The following NEXMIF variants were observed in gnomAD, a reference collection of about 807,000 sequenced individuals.
The protein encoded by NEXMIF is XLMR protein related to neurite extension.
Under a neutral mutation model 62.1 loss-of-function variants are expected in NEXMIF, and 8 were observed. The ratio of observed to expected loss-of-function variants is 0.13; its 90% CI spans 0.08 to 0.23. NEXMIF has a LOEUF of 0.23. Ranked by LOEUF, NEXMIF falls within the 10% of genes least tolerant of loss-of-function variation. The pLI, the probability that NEXMIF is intolerant of heterozygous loss-of-function variation, is 1.00. For missense variants in NEXMIF, 976 were observed against 1,113.3 expected (o/e 0.88, Z 1.75); for synonymous variants, 404 against 416.6 (o/e 0.97, Z 0.37).
intron 1 of NEXMIF, among the ~76,000 whole-genome samples, chrX:74,764,798 T>C (rs2080189704): frequency 9.0e-6 from 1 of 111,673 alleles, no homozygotes; most frequent in African/African-American, 3.3e-5. Context: ...GTGTTTGATA[T>C]GATTTTGGTT....
In NEXMIF at chrX:74,735,785, G is replaced by A. The variant is rs2080083611; in HGVS notation, c.*3620C>T. ...AACAAGAAGTCAGAAGGGAAAGCTGGGAGGAAGCAGCATATGTGAAGAAGC... is the reference window on the plus strand; with the variant it reads ...AACAAGAAGTCAGAAGGGAAAGCTGAGAGGAAGCAGCATATGTGAAGAAGC... On this transcript the variant is annotated 3_prime_UTR_variant, in exon 4 of 4. Coordinates refer to ENST00000055682, the MANE Select transcript of NEXMIF (RefSeq NM_001008537.3). 1 of 111,909 alleles carries A rather than the reference G, an allele frequency of 8.9e-6. No individual in the cohort carries two copies. The highest frequency in any genetic ancestry group is 9.6e-5 in the Admixed American group (1 of 10,421). 9.2% of individuals were successfully genotyped at this position (111,909 alleles called of 1,213,427 possible).
chrX:74,836,413 CAGAACGTCTT>C (rs2080456669), intron 1 of NEXMIF, among the ~76,000 whole-genome samples: 2 of 112,176 alleles, frequency 1.8e-5, no homozygotes, highest in Non-Finnish European at 3.8e-5. Context: ...CATCTGTGGT[CAGAACGTCTT>C]AGAACCCAAA....
At chrX:74,754,617 T>C (rs2080154300) in intron 1 of NEXMIF, among the ~76,000 whole-genome samples, 1 of 111,421 alleles carries the variant, frequency 9.0e-6, no homozygotes, top group South Asian at 3.7e-4. Flanking sequence ...TTCTTTTTCT[T>C]CATATATATA....
At chrX:74,760,140 CT>C (rs1239885497) in intron 1 of NEXMIF, among the ~76,000 whole-genome samples, 1 of 111,146 alleles carries the variant, frequency 9.0e-6, no homozygotes, top group Non-Finnish European at 1.9e-5. Flanking sequence ...GTATTTTATT[CT>C]TTTTGTGGCA....
In NEXMIF at chrX:74,741,436, C is replaced by T; in HGVS notation, c.3121G>A (p.Asp1041Asn). The T allele has an allele frequency of 8.3e-7, 1 of 1,211,559 alleles. No individual in the cohort carries two copies. Among genetic ancestry groups the T allele is most frequent in the Non-Finnish European group, 1.1e-6 (1 of 895,501 alleles). ...SPKLVIQQSI[D>N]EIAPLKESTD... ...GACTCCTTTAGTGGTGCTATCTCAT[C>T]AATGCTTTGCTGGATCACCAGCTTA... is the stretch of plus-strand genomic sequence containing the variant. The change falls in exon 3 of 4, where the codon GAT becomes AAT. Residue 1041 changes from aspartate to asparagine, a missense_variant. Physicochemically the swap from Asp to Asn is conservative, Grantham distance 23 (BLOSUM62 1). Transcript: ENST00000055682.
intron 1 of NEXMIF, among the ~76,000 whole-genome samples, chrX:74,879,059 C>G (rs375615201): frequency 4.8e-4 from 54 of 112,208 alleles, no homozygotes; most frequent in African/African-American, 1.7e-3. Flanking sequence ...CACACAAATA[C>G]CACTGTGTTA....
intron 1 of NEXMIF, among the ~76,000 whole-genome samples, chrX:74,883,839 A>G (rs911358213): frequency 3.6e-5 from 4 of 111,612 alleles, no homozygotes; most frequent in Non-Finnish European, 5.6e-5. Flanking sequence ...CAAGACACAT[A>G]ATTGTCAGAT....
intron 1 of NEXMIF, among the ~76,000 whole-genome samples, chrX:74,748,231 T>A (rs1055397799): frequency 7.1e-5 from 8 of 112,044 alleles, no homozygotes; most frequent in Admixed American, 2.8e-4. Flanking sequence ...AAACTGAGTA[T>A]CACAGATATT....
At chrX:74,796,243 T>TATATAATATATATATATAC (rs1569345274) in intron 1 of NEXMIF, among the ~76,000 whole-genome samples, 23 of 37,005 alleles carry the variant, frequency 6.2e-4, no homozygotes, top group South Asian at 2.1e-3. Flanking sequence ...TATATATATA[T>TATATAATATATATATATAC]ACACATATAT....
In NEXMIF at chrX:74,786,750, CAGG is replaced by C. The variant is rs907130782; in HGVS notation, c.-47-41056_-47-41054del. Among the ~76,000 whole-genome samples, 12 of 111,123 alleles carry C rather than the reference CAGG, an allele frequency of 1.1e-4. No individual in the cohort carries two copies. The Admixed American group carries it at 1.1e-3, about 11-fold the overall frequency. On this transcript the variant is annotated intron_variant, in intron 1 of 3. Transcript: ENST00000055682. ...GCACATATTGACTAAATGATTCTGA[CAGG>C]AGAAGGGGAAAATATGTAGAATTTA...
At chrX:74,904,459 AG>A (rs1225414469) in intron 1 of NEXMIF, among the ~76,000 whole-genome samples, 2 of 111,964 alleles carry the variant, frequency 1.8e-5, no homozygotes, top group African/African-American at 6.5e-5. Flanking sequence ...TCAAGATTTC[AG>A]TGTAGAAGTC....
intron 1 of NEXMIF, among the ~76,000 whole-genome samples, chrX:74,876,822 T>A (rs2080636780): frequency 9.4e-6 from 1 of 105,927 alleles, no homozygotes; most frequent in African/African-American, 3.4e-5. Flanking sequence ...ACCCCTGCCT[T>A]TTTTTGTTTT....
At chrX:74,877,134 C>T (rs772583067) in intron 1 of NEXMIF, among the ~76,000 whole-genome samples, 12 of 111,528 alleles carry the variant, frequency 1.1e-4, no homozygotes, top group South Asian at 7.6e-4. Flanking sequence ...TGGTACAGGT[C>T]GTTCCTTTCC....
intron 1 of NEXMIF, among the ~76,000 whole-genome samples, chrX:74,796,228 TAATA>T (rs2080309700): frequency 8.3e-5 from 5 of 60,175 alleles, no homozygotes; most frequent in Admixed American, 2.7e-4. Context: ...TATACATATA[TAATA>T]TATATATATA....
chrX:74,800,754 T>C (rs1249810723), intron 1 of NEXMIF, among the ~76,000 whole-genome samples: 1 of 111,508 alleles, frequency 9.0e-6, no homozygotes, highest in Non-Finnish European at 1.9e-5. Context: ...AGTGAAGTTA[T>C]TACTAAATTT....
At chrX:74,858,428 G>A in intron 1 of NEXMIF, among the ~76,000 whole-genome samples, 1 of 112,488 alleles carries the variant, frequency 8.9e-6, no homozygotes, top group African/African-American at 3.2e-5. Flanking sequence ...CAGCAAGGTG[G>A]TACCTCTATA....
At chrX:74,922,770 C>CA (rs1011732261) in intron 1 of NEXMIF, among the ~76,000 whole-genome samples, 8 of 110,274 alleles carry the variant, frequency 7.3e-5, no homozygotes, top group African/African-American at 1.3e-4. Flanking sequence ...TTACGATTTA[C>CA]AAAAAAAAGC....
intron 1 of NEXMIF, among the ~76,000 whole-genome samples, chrX:74,794,534 C>T (rs1012800807): frequency 1.8e-5 from 2 of 112,509 alleles, no homozygotes; most frequent in Admixed American, 1.9e-4. Context: ...GCTTTGTTTA[C>T]CTTATCAAGC....
chrX:74,736,076 A>C lies in NEXMIF; in HGVS notation c.*3329T>G, dbSNP rs754190284. 9.0e-6 allele frequency: 1 copy of C among 111,484 alleles called. No individual in the cohort carries two copies. Among genetic ancestry groups the C allele is most frequent in the African/African-American group, 3.3e-5 (1 of 30,644 alleles). The allele number at this position is 111,484 out of a possible 1,213,427, so 9.2% of individuals were successfully genotyped here. A position where few individuals can be genotyped will look rare whatever the true frequency, so the allele number is the denominator to read the frequency against. On this transcript the variant is annotated 3_prime_UTR_variant, in exon 4 of 4. Transcript: ENST00000055682. ...GGATGAAATACCACCTATTGGGTACAATGTACACTATTTCGGTGATGGGTA... is the reference window on the plus strand; with the variant it reads ...GGATGAAATACCACCTATTGGGTACCATGTACACTATTTCGGTGATGGGTA...
Sources: gnomAD v4.1 joint callset for allele counts (sites outside exome capture counted in the v4.1 genomes callset) on GRCh38, gnomAD v4.1.1 for gene constraint, MANE v1.5 for transcripts, NCBI Gene and HGNC (gene_info 2026-07-23, HGNC 2026-07-21) for gene names.